Variants in SERPINF2 observed in about 807,000 individuals in gnomAD.
SERPINF2 encodes the protein alpha-2-antiplasmin.
SERPINF2 carries 15 observed loss-of-function variants against 45.0 expected under a neutral mutation model. That is an observed-to-expected ratio of 0.33 (90% CI 0.22 to 0.51). SERPINF2 has a LOEUF of 0.51. Ranked by LOEUF, SERPINF2 falls within the 20% of genes least tolerant of loss-of-function variation. The pLI is 0.97. For synonymous variants in SERPINF2, 283 were observed against 277.9 expected, an observed-to-expected ratio of 1.02 and a Z score of -0.18; for missense variants, 518 against 637.4, an observed-to-expected ratio of 0.81 and a Z score of 2.02.
rs563752747 is a variant in SERPINF2 at position 1,753,563 on chromosome 17, A to G, written c.1064-559A>G. On this transcript the variant is annotated intron_variant, in intron 9 of 9. Coordinates refer to ENST00000453066, the MANE Select transcript of SERPINF2 (RefSeq NM_000934.4). Reference sequence around the variant, plus strand: ...TAGCCGGGCGTGGTGGCGCATGCCCATAATCCCAGCTACTTGGGAGGCTGA... The same window carrying G: ...TAGCCGGGCGTGGTGGCGCATGCCCGTAATCCCAGCTACTTGGGAGGCTGA... Among the ~76,000 whole-genome samples, 16 of 152,250 alleles carry G rather than the reference A, an allele frequency of 1.1e-4. No homozygotes were observed. In the East Asian group the frequency reaches 3.1e-3, roughly 29 times the overall value.
intron 8 of SERPINF2, among the ~76,000 whole-genome samples, chr17:1,749,743 G>C (rs1019733644): frequency 2.6e-5 from 4 of 152,070 alleles, no homozygotes; most frequent in African/African-American, 9.7e-5. Context: ...TCTGTGAGGA[G>C]GGGGCATTGA....
Position 1,745,671 on chromosome 17 carries a change from C to G in SERPINF2, c.166-37C>G, listed in dbSNP as rs1905750107. On this transcript the variant is annotated intron_variant, in intron 4 of 9. Transcript: ENST00000453066. This position sits in a 1 kb window ranked among gnomAD's most constrained non-coding sequence, Gnocchi z 6.2. The stretch of plus-strand genomic sequence containing the variant: ...CCTTCAACACAGAACCTGGAGCTGA[C>G]CCCTTGACCTCCCTGACCCCTGATC... 6.3e-7 allele frequency: 1 copy of G among 1,596,044 alleles called. No homozygotes were observed. The highest frequency in any genetic ancestry group is 8.6e-7 in the Non-Finnish European group (1 of 1,166,826).
intron 7 of SERPINF2, among the ~76,000 whole-genome samples, chr17:1,747,861 G>A (rs1267943006): frequency 6.6e-6 from 1 of 151,750 alleles, no homozygotes; most frequent in African/African-American, 2.4e-5. Context: ...ACCGCGCCCG[G>A]CCATGCAGGC....
chr17:1,749,559 C>T (rs778023678), intron 8 of SERPINF2, among the ~76,000 whole-genome samples: 2 of 152,230 alleles, frequency 1.3e-5, no homozygotes, highest in African/African-American at 2.4e-5. Context: ...GATCGCACCA[C>T]TGCACTCCAG....
At chr17:1,750,840 C>A (rs1330419205) in intron 8 of SERPINF2, among the ~76,000 whole-genome samples, 1 of 152,182 alleles carries the variant, frequency 6.6e-6, no homozygotes, top group Non-Finnish European at 1.5e-5. Flanking sequence ...CGCGTCCTGG[C>A]TTCCCTGCAG....
chr17:1,742,882 G>C lies in SERPINF2; in HGVS notation c.-31G>C, dbSNP rs1905419285. On this transcript the variant is annotated 5_prime_UTR_variant, in exon 1 of 10. Coordinates refer to ENST00000453066, the MANE Select transcript of SERPINF2 (RefSeq NM_000934.4). Reference sequence around the variant, plus strand: ...ACCCAAGTGGGGCCAGAGGAACGTTGTGTGTGGCAGCAAGGAGCCCGCAGA... The same window carrying C: ...ACCCAAGTGGGGCCAGAGGAACGTTCTGTGTGGCAGCAAGGAGCCCGCAGA... 1.0e-6 allele frequency: 1 copy of C among 985,412 alleles called. No individual in the cohort carries two copies. Among genetic ancestry groups the C allele is most frequent in the African/African-American group, 1.7e-5 (1 of 57,260 alleles). The allele number at this position is 985,412 out of a possible 1,614,324, so 61.0% of individuals were successfully genotyped here.
intron 6 of SERPINF2, 65 bp from the exon 7 acceptor site, chr17:1,747,244 G>C (rs570933739): frequency 1.9e-6 from 3 of 1,610,166 alleles, no homozygotes; most frequent in South Asian, 1.1e-5. Flanking sequence ...CTCTGGTAGC[G>C]AGTAGGGGCG....
Position 1,754,685 on chromosome 17 carries a change from T to TGGGGGG in SERPINF2, c.*156_*161dup, listed in dbSNP as rs67887323. 3.5e-4 allele frequency: 64 copies of TGGGGGG among 181,348 alleles called. No homozygotes were observed. Among genetic ancestry groups the TGGGGGG allele is most frequent in the South Asian group, 7.0e-4 (11 of 15,706 alleles). The allele number at this position is 181,348 out of a possible 1,614,324, so 11.2% of individuals were successfully genotyped here. Reference sequence around the variant, plus strand: ...CCAACACCTCTTGGGGAGTTTAGGGTGGGGGGGGGGCGCGGCTGGGAGGAG... The same window carrying TGGGGGG: ...CCAACACCTCTTGGGGAGTTTAGGGTGGGGGGGGGGGGGGGGCGCGGCTGGGAGGAG... On this transcript the variant is annotated 3_prime_UTR_variant, in exon 10 of 10. Coordinates refer to ENST00000453066, the MANE Select transcript of SERPINF2 (RefSeq NM_000934.4).
chr17:1,752,256 A>G (rs939868594), intron 8 of SERPINF2, among the ~76,000 whole-genome samples: 1 of 152,068 alleles, frequency 6.6e-6, no homozygotes, highest in Non-Finnish European at 1.5e-5. Flanking sequence ...AGGTTTTGCC[A>G]TGTTGGTCAG....
chr17:1,749,192 C>T (rs1906142125), intron 8 of SERPINF2, among the ~76,000 whole-genome samples: 1 of 152,166 alleles, frequency 6.6e-6, no homozygotes, highest in Admixed American at 6.5e-5. Context: ...CTTTGGGTGG[C>T]CCAGGCAGGT....
intron 7 of SERPINF2, among the ~76,000 whole-genome samples, chr17:1,747,839 C>T (rs1319722210): frequency 6.6e-6 from 1 of 151,048 alleles, no homozygotes; most frequent in East Asian, 2.0e-4. Flanking sequence ...GCTGGGATTA[C>T]AGGCGTGAGC....
At chr17:1,753,667 C>G (rs529114757) in intron 9 of SERPINF2, among the ~76,000 whole-genome samples, 4 of 152,208 alleles carry the variant, frequency 2.6e-5, no homozygotes, top group African/African-American at 9.6e-5. Context: ...GCCTGGATGA[C>G]AGAGTGAGAC....
At chr17:1,746,902 A>G in intron 5 of SERPINF2, 117 bp from the exon 6 acceptor site, 2 of 1,340,166 alleles carry the variant, frequency 1.5e-6, no homozygotes, top group Non-Finnish European at 1.0e-6. Flanking sequence ...TGGCTGTGGA[A>G]GGATGGCGTG....
At chr17:1,746,602 T>C (rs1173787126) in intron 5 of SERPINF2, among the ~76,000 whole-genome samples, 1 of 151,876 alleles carries the variant, frequency 6.6e-6, no homozygotes, top group East Asian at 2.0e-4. Context: ...GATTTTTGTA[T>C]TTTTAGTAGA....
At position 1,754,681 on chromosome 17, in the gene SERPINF2, A is replaced by C; in HGVS notation, c.*147A>C. The C allele has an allele frequency of 3.4e-5, 3 of 87,766 alleles. No homozygotes were observed. Among genetic ancestry groups the C allele is most frequent in the Non-Finnish European group, 5.9e-5 (3 of 50,646 alleles). 5.4% of individuals were successfully genotyped at this position (87,766 alleles called of 1,614,324 possible). The stretch of plus-strand genomic sequence containing the variant: ...TTTCCCAACACCTCTTGGGGAGTTT[A>C]GGGTGGGGGGGGGGCGCGGCTGGGA... On this transcript the variant is annotated 3_prime_UTR_variant, in exon 10 of 10. Transcript: ENST00000453066.
Position 1,747,162 on chromosome 17 carries a change from G to GGTAGGCGCTGATGGCAGGGAGCTCCCTCA in SERPINF2, c.511+3_511+31dup. ...GGCTGCCAGGATGTACCTGCAGAAA[G>GGTAGGCGCTGATGGCAGGGAGCTCCCTCA]GTAGGCGCTGATGGCAGGGAGCTCC... On this transcript the variant is annotated stop_gained and frameshift_variant and splice_region_variant. Transcript: ENST00000453066. LOFTEE classifies it high-confidence loss of function. The GGTAGGCGCTGATGGCAGGGAGCTCCCTCA allele has an allele frequency of 6.2e-7, 1 of 1,612,268 alleles. No homozygotes were observed. Among genetic ancestry groups the GGTAGGCGCTGATGGCAGGGAGCTCCCTCA allele is most frequent in the Non-Finnish European group, 8.5e-7 (1 of 1,179,976 alleles).
chr17:1,754,260 T>C lies in SERPINF2; in HGVS notation c.1202T>C (p.Met401Thr). Residue 401 changes from methionine (M) to threonine (T), a missense_variant, in exon 10 of 10, where the codon ATG becomes ACG. Physicochemically the swap from Met to Thr is moderately conservative, Grantham distance 81. Around this residue, in one of 2 missense-constraint regions of SERPINF2, gnomAD observed 435 missense variants for 577.3 expected, o/e 0.75. Coordinates refer to ENST00000453066, the MANE Select transcript of SERPINF2 (RefSeq NM_000934.4). ...VEAAAATSIA[M>T]SRMSLSSFSV... ...GCGGCGGCGGCCACCAGCATTGCCA[T>C]GTCCCGCATGTCCCTGTCCTCCTTC... 6.2e-7 allele frequency: 1 copy of C among 1,614,112 alleles called. No individual in the cohort carries two copies.
Position 1,745,141 on chromosome 17 carries a change from A to G in SERPINF2, c.64-34A>G. 1 of 1,588,592 alleles carries G rather than the reference A, an allele frequency of 6.3e-7. No homozygotes were observed. On this transcript the variant is annotated intron_variant, in intron 2 of 9. Coordinates refer to ENST00000453066, the MANE Select transcript of SERPINF2 (RefSeq NM_000934.4). This position sits in a 1 kb window ranked among gnomAD's most constrained non-coding sequence, Gnocchi z 6.2. ...GGCATGGAGGGAGGGCTTGGCTCCG[A>G]GGGGACCTCCTATCCTCATCCCTTT... is the stretch of plus-strand genomic sequence containing the variant.
intron 1 of SERPINF2, chr17:1,743,118 G>C: frequency 5.1e-6 from 5 of 985,102 alleles, no homozygotes; most frequent in Non-Finnish European, 6.0e-6. Flanking sequence ...GTGTGGGATG[G>C]GGGTGGGGCC....
Sources: allele counts gnomAD v4.1 joint callset (sites outside exome capture counted in the v4.1 genomes callset), GRCh38; gene constraint gnomAD v4.1.1; regional missense constraint gnomAD v4.1.1; non-coding constraint Gnocchi (gnomAD v3.1); transcripts MANE v1.5; gene names NCBI Gene and HGNC (gene_info 2026-07-23, HGNC 2026-07-21).